The following DTNA variants were observed in gnomAD, a reference collection of about 807,000 sequenced individuals.
DTNA encodes the protein dystrobrevin alpha.
In DTNA, 43 loss-of-function variants were observed where a neutral mutation model predicts 100.7. That is an observed-to-expected ratio of 0.43 (90% CI 0.33 to 0.55). The LOEUF is 0.55. Among genes scored for constraint, DTNA ranks in the 20% least tolerant of loss-of-function variants. DTNA has a pLI of 0.04. For synonymous variants in DTNA, 349 were observed against 347.9 expected, an observed-to-expected ratio of 1.00 and a Z score of -0.04; for missense variants, 798 against 953.9, an observed-to-expected ratio of 0.84 and a Z score of 2.15.
intron 1 of DTNA, among the ~76,000 whole-genome samples, chr18:34,604,655 T>C (rs994803030): frequency 2.0e-4 from 30 of 152,200 alleles, no homozygotes; most frequent in Admixed American, 2.0e-4. Flanking sequence ...ATATCTTATG[T>C]AGCTGTTTGC....
At chr18:34,611,288 CAG>C (rs1467260611) in intron 1 of DTNA, among the ~76,000 whole-genome samples, 2 of 152,116 alleles carry the variant, frequency 1.3e-5, no homozygotes, top group Non-Finnish European at 2.9e-5. Flanking sequence ...ACCAAGGAAA[CAG>C]TACCATTCAA....
chr18:34,646,296 A>G (rs868056490), intron 1 of DTNA, among the ~76,000 whole-genome samples: 3 of 152,206 alleles, frequency 2.0e-5, no homozygotes, highest in Admixed American at 6.5e-5. Context: ...ATGGCAATAA[A>G]CTTATTTTCT....
At chr18:34,668,166 G>T (rs1388936969) in intron 1 of DTNA, among the ~76,000 whole-genome samples, 2 of 152,164 alleles carry the variant, frequency 1.3e-5, no homozygotes, top group Non-Finnish European at 2.9e-5. Flanking sequence ...GGGTGTATGT[G>T]TTGAGGAATT....
intron 1 of DTNA, among the ~76,000 whole-genome samples, chr18:34,629,900 G>A (rs1366308146): frequency 6.6e-6 from 1 of 152,062 alleles, no homozygotes. Context: ...ATGCCTGCTG[G>A]GCCTCTGATT....
intron 15 of DTNA, among the ~76,000 whole-genome samples, chr18:34,853,345 A>C (rs1041006097): frequency 3.3e-5 from 5 of 152,178 alleles, no homozygotes; most frequent in African/African-American, 1.2e-4. Context: ...GTAAAGGAGG[A>C]GGTTGTGATA....
At chr18:34,537,433 A>T (rs1393350340) in intron 1 of DTNA, among the ~76,000 whole-genome samples, 1 of 152,026 alleles carries the variant, frequency 6.6e-6, no homozygotes, top group Non-Finnish European at 1.5e-5. Flanking sequence ...AAGGAAAATA[A>T]TTAAGGAAAT....
rs1397773715 is a variant in DTNA, at chr18:34,756,478, C to CAAAGTGTTCCCTGCAA, written c.67+436_67+437insAAGTGTTCCCTGCAAA. ...GACTTTCTTCCCTGCAAAGTGATAT[C>CAAAGTGTTCCCTGCAA]ATATGTTTATGTGGAAAGGAGAAGT... On this transcript the variant is annotated intron_variant, in intron 2 of 22. Coordinates refer to ENST00000444659, the MANE Select transcript of DTNA (RefSeq NM_001386795.1). Among the ~76,000 whole-genome samples the CAAAGTGTTCCCTGCAA allele has an allele frequency of 2.0e-5, 3 of 152,132 alleles. No homozygotes were observed. The East Asian group carries it at 5.8e-4, about 29-fold the overall frequency.
At chr18:34,669,547 T>G (rs2076446069) in intron 1 of DTNA, among the ~76,000 whole-genome samples, 1 of 152,218 alleles carries the variant, frequency 6.6e-6, no homozygotes, top group Admixed American at 6.5e-5. Flanking sequence ...TTTGTCATGT[T>G]TTTGCAATGG....
intron 11 of DTNA, among the ~76,000 whole-genome samples, chr18:34,832,017 G>T (rs1224599775): frequency 6.6e-6 from 1 of 152,024 alleles, no homozygotes; most frequent in Non-Finnish European, 1.5e-5. Context: ...TAACAACCGT[G>T]GCTTTTAATC....
intron 1 of DTNA, among the ~76,000 whole-genome samples, chr18:34,657,062 G>C (rs978039578): frequency 1.3e-5 from 2 of 151,974 alleles, no homozygotes; most frequent in African/African-American, 4.8e-5. Context: ...ATTTTCAGTA[G>C]AGACAAGGTT....
At chr18:34,629,476 A>G (rs1043055818) in intron 1 of DTNA, among the ~76,000 whole-genome samples, 2 of 152,144 alleles carry the variant, frequency 1.3e-5, no homozygotes, top group African/African-American at 4.8e-5. Flanking sequence ...TGAATATGGT[A>G]CTTTCAGCCC....
At chr18:34,757,755 A>G (rs986504985) in intron 2 of DTNA, among the ~76,000 whole-genome samples, 3 of 152,222 alleles carry the variant, frequency 2.0e-5, no homozygotes, top group Admixed American at 1.3e-4. Context: ...AAAATTGTGC[A>G]TTCGGTTCCC....
At chr18:34,501,930 A>G (rs908422783) in intron 1 of DTNA, among the ~76,000 whole-genome samples, 6 of 152,168 alleles carry the variant, frequency 3.9e-5, no homozygotes, top group African/African-American at 1.4e-4. Context: ...GGCCCTAAAC[A>G]CACCCTAACA....
chr18:34,858,492 T>G (rs1384104889), intron 16 of DTNA, 94 bp downstream of exon 16: 1 of 1,238,168 alleles, frequency 8.1e-7, no homozygotes, highest in East Asian at 2.4e-5. Context: ...AGTCCTCAGC[T>G]ACCTTAGCTG....
At chr18:34,752,550 A>G (rs1041796284) in intron 1 of DTNA, among the ~76,000 whole-genome samples, 1 of 152,198 alleles carries the variant, frequency 6.6e-6, no homozygotes, top group African/African-American at 2.4e-5. Flanking sequence ...CATTTTTACT[A>G]TTATGACTAC....
Position 34,558,674 on chromosome 18 carries a change from A to G in DTNA, c.-2+65160A>G, listed in dbSNP as rs562154833. Among the ~76,000 whole-genome samples the G allele has an allele frequency of 1.4e-3, 219 of 152,326 alleles. 1 individual carries two copies. The highest frequency in any genetic ancestry group is 3.4e-3 in the Middle Eastern group (1 of 294). On this transcript the variant is annotated intron_variant, in intron 1 of 19. Transcript: ENST00000283365. Reference sequence around the variant, plus strand: ...GGAAAGTGAAGAATTTTTTACATTCAATGGTCCAGAAAGGTCTCTTTGTCA... The same window carrying G: ...GGAAAGTGAAGAATTTTTTACATTCGATGGTCCAGAAAGGTCTCTTTGTCA...
chr18:34,710,777 A>G (rs1274197347), intron 1 of DTNA, among the ~76,000 whole-genome samples: 1 of 152,102 alleles, frequency 6.6e-6, no homozygotes, highest in East Asian at 1.9e-4. Context: ...GTAGACCTGA[A>G]CAAAGTGTTT....
chr18:34,635,944 A>C (rs541555520), intron 1 of DTNA, among the ~76,000 whole-genome samples: 4 of 152,138 alleles, frequency 2.6e-5, no homozygotes, highest in Admixed American at 1.3e-4. Context: ...CCAAGATTGA[A>C]TAACCATAGT....
intron 6 of DTNA, among the ~76,000 whole-genome samples, chr18:34,812,815 C>T (rs993046215): frequency 1.3e-5 from 2 of 152,160 alleles, no homozygotes; most frequent in African/African-American, 4.8e-5. Context: ...CTCACTCAGC[C>T]TCATGTGAAA....
Sources: gnomAD v4.1 joint callset for allele counts (sites outside exome capture counted in the v4.1 genomes callset) on GRCh38, gnomAD v4.1.1 for gene constraint, MANE v1.5 for transcripts, NCBI Gene and HGNC (gene_info 2026-07-23, HGNC 2026-07-21) for gene names.